TUB: variants seen among roughly 807,000 people sequenced by gnomAD.
The protein encoded by TUB is TUB bipartite transcription factor.
In TUB, 33 loss-of-function variants were observed where a neutral mutation model predicts 59.7. That is an observed-to-expected ratio of 0.55 (90% CI 0.42 to 0.74). The LOEUF (loss-of-function observed/expected upper bound fraction) is 0.74. TUB is among the 30% of genes least tolerant of loss of function. The pLI is 0.00. For synonymous variants in TUB, 293 were observed against 256.4 expected (o/e 1.14, Z -1.36); for missense variants, 659 against 672.0 (o/e 0.98, Z 0.21).
At chr11:8,101,195 G>A (rs915030846) in intron 11 of TUB, among the ~76,000 whole-genome samples, 198 bp downstream of exon 11, 1 of 152,190 alleles carries the variant, frequency 6.6e-6, no homozygotes, top group Non-Finnish European at 1.5e-5. Flanking sequence ...CCTGGTCCTA[G>A]ATTCTGTGTA....
chr11:8,025,828 C>G (rs539402693), intron 1 of TUB, among the ~76,000 whole-genome samples: 1 of 152,174 alleles, frequency 6.6e-6, no homozygotes, highest in East Asian at 1.9e-4. Context: ...AAATACCTAG[C>G]AAAGCAGTGG....
At chr11:8,082,198 C>T (rs968807503) in intron 1 of TUB, among the ~76,000 whole-genome samples, 1 of 152,110 alleles carries the variant, frequency 6.6e-6, no homozygotes, top group Admixed American at 6.5e-5. Flanking sequence ...AATCTACTTG[C>T]TAGCAGGTCT....
chr11:8,098,880 G>C lies in TUB; in HGVS notation c.1116+5G>C. 6.2e-7 allele frequency: 1 copy of C among 1,606,294 alleles called. No homozygotes were observed. The highest frequency in any genetic ancestry group is 8.5e-7 in the Non-Finnish European group (1 of 1,173,018). On this transcript the variant is annotated splice_donor_5th_base_variant and intron_variant, in intron 9 of 11. Transcript: ENST00000299506. ...GAGCTGGCAGCTGTGTGCTACGTGA[G>C]TCCTAGGTTCGGGGGTCTCTGATTT...
Position 8,081,217 on chromosome 11 carries a change from G to C in TUB, c.-294G>C, listed in dbSNP as rs1273388043. On this transcript the variant is annotated 5_prime_UTR_variant, in exon 1 of 12. Coordinates refer to ENST00000299506, the MANE Select transcript of TUB (RefSeq NM_177972.3). Reference sequence around the variant, plus strand: ...GCCGCCGCTGCCACGCAGTACTCCCGCCTTGGCGCCAGAGGGGCGCGGGAC... The same window carrying C: ...GCCGCCGCTGCCACGCAGTACTCCCCCCTTGGCGCCAGAGGGGCGCGGGAC... 1 of 250,632 alleles carries C rather than the reference G, an allele frequency of 4.0e-6. No homozygotes were observed. The highest frequency in any genetic ancestry group is 6.3e-6 in the Non-Finnish European group (1 of 158,512). 15.5% of individuals were successfully genotyped at this position (250,632 alleles called of 1,614,324 possible).
Position 8,102,461 on chromosome 11 carries a change from G to C in TUB, c.*842G>C, listed in dbSNP as rs568360763. The stretch of plus-strand genomic sequence containing the variant: ...CTGTCAGCTTCCCCAGGAGCTCTCT[G>C]CTGAGCAGCCCAGCACAACCCCCAG... On this transcript the variant is annotated 3_prime_UTR_variant, in exon 12 of 12. Transcript: ENST00000299506. 1 of 152,348 alleles carries C rather than the reference G, an allele frequency of 6.6e-6. No individual in the cohort carries two copies. Among genetic ancestry groups the C allele is most frequent in the Admixed American group, 6.5e-5 (1 of 15,298 alleles). The allele number at this position is 152,348 out of a possible 1,614,324, so 9.4% of individuals were successfully genotyped here.
chr11:8,021,267 C>T (rs921503509), intron 1 of TUB, among the ~76,000 whole-genome samples: 5 of 152,136 alleles, frequency 3.3e-5, no homozygotes, highest in African/African-American at 1.2e-4. Flanking sequence ...TGAGACCAGC[C>T]TGGCCAACAT....
At chr11:8,064,784 G>A (rs1943205322) in intron 2 of TUB, among the ~76,000 whole-genome samples, 1 of 152,216 alleles carries the variant, frequency 6.6e-6, no homozygotes, top group Non-Finnish European at 1.5e-5. Flanking sequence ...AGAGCAAAGA[G>A]GCCAGATGAT....
chr11:8,039,430 A>ACTGCCTGT (rs138080093), intron 1 of TUB: 52 of 441,368 alleles, frequency 1.2e-4, no homozygotes, highest in Middle Eastern at 1.1e-3. Context: ...CCTCATCTGG[A>ACTGCCTGT]CTGCCTGCCT....
rs1943962944 is a variant in TUB, at chr11:8,095,725, C to T, written c.565+60C>T. ...ACTCAGTCCCAGGTTCTCAGATGCA[C>T]CTTTCTCTGGGAGCATGGCCTTCCT... On this transcript the variant is annotated intron_variant, in intron 5 of 11. Coordinates refer to ENST00000299506, the MANE Select transcript of TUB (RefSeq NM_177972.3). 4 of 1,514,262 alleles carry T rather than the reference C, an allele frequency of 2.6e-6. No individual in the cohort carries two copies. The South Asian group carries it at 3.7e-5, about 14-fold the overall frequency. 93.8% of individuals were successfully genotyped at this position (1,514,262 alleles called of 1,614,324 possible). A position where few individuals can be genotyped will look rare whatever the true frequency, so the allele number is the denominator to read the frequency against.
rs1944047716 is a variant in TUB at position 8,097,425 on chromosome 11, G to A, written c.885G>A (p.Lys295=). Residue 295 remains lysine, a splice_region_variant and synonymous_variant, in exon 7 of 12, where the codon AAG becomes AAA. Coordinates refer to ENST00000299506, the MANE Select transcript of TUB (RefSeq NM_177972.3). The part of the protein sequence containing the change: ...FLHLDREDGK[K]VFLLAGRKRK... ...ACCTGGACCGTGAGGATGGGAAGAA[G>A]GTAAGGTTGGTCTGGGCATGTTATC... is the stretch of plus-strand genomic sequence containing the variant. The A allele has an allele frequency of 1.2e-6, 2 of 1,614,086 alleles. No homozygotes were observed. The highest frequency in any genetic ancestry group is 1.7e-5 in the Admixed American group (1 of 60,006).
intron 2 of TUB, among the ~76,000 whole-genome samples, chr11:8,062,588 G>A (rs1399621080): frequency 6.6e-6 from 1 of 152,034 alleles, no homozygotes; most frequent in African/African-American, 2.4e-5. Flanking sequence ...CTCATGATAA[G>A]AGCCTTTTGA....
At chr11:8,039,463 A>C in intron 1 of TUB, 1 of 476,914 alleles carries the variant, frequency 2.1e-6, no homozygotes. Context: ...TCCGGGGCCC[A>C]CAGAGTGAGC....
chr11:8,022,751 G>A (rs1942448133), intron 1 of TUB, among the ~76,000 whole-genome samples: 1 of 152,134 alleles, frequency 6.6e-6, no homozygotes, highest in African/African-American at 2.4e-5. Context: ...TTAGCCAGGT[G>A]TGGTGGCACA....
intron 2 of TUB, among the ~76,000 whole-genome samples, chr11:8,048,498 C>G (rs1942875058): frequency 6.6e-6 from 1 of 151,816 alleles, no homozygotes; most frequent in African/African-American, 2.4e-5. Context: ...AAGTCCTGGG[C>G]TCAAGTGATC....
chr11:8,066,722 C>T (rs886754742), intron 2 of TUB, among the ~76,000 whole-genome samples: 1 of 152,186 alleles, frequency 6.6e-6, no homozygotes, highest in Admixed American at 6.5e-5. Context: ...TCAGAGCTCA[C>T]GTCTAGGAGA....
exon 1 of TUB, chr11:8,019,272 C>G: frequency 8.0e-7 from 1 of 1,251,108 alleles, no homozygotes; most frequent in East Asian, 3.2e-5. Context: ...CGCCGCCGCC[C>G]GCGGAGCCCC....
At chr11:8,043,787 A>C (rs1018417383) in intron 2 of TUB, among the ~76,000 whole-genome samples, 13 of 152,152 alleles carry the variant, frequency 8.5e-5, no homozygotes, top group East Asian at 5.8e-4. Flanking sequence ...CTTGTTTATT[A>C]GTTACAATCA....
chr11:8,030,753 G>A (rs1007262693), intron 1 of TUB, among the ~76,000 whole-genome samples: 1 of 152,164 alleles, frequency 6.6e-6, no homozygotes, highest in Non-Finnish European at 1.5e-5. Context: ...CCCTGGATCT[G>A]GGGAGGCTTT....
intron 1 of TUB, among the ~76,000 whole-genome samples, chr11:8,031,895 C>A (rs1216685010): frequency 6.6e-6 from 1 of 151,408 alleles, no homozygotes; most frequent in Non-Finnish European, 1.5e-5. Context: ...ACTCCCCCGC[C>A]CCCCTCGGGC....
Sources: allele counts gnomAD v4.1 joint callset (sites outside exome capture counted in the v4.1 genomes callset), GRCh38; gene constraint gnomAD v4.1.1; transcripts MANE v1.5; gene names NCBI Gene and HGNC (gene_info 2026-07-23, HGNC 2026-07-21).